The following CEMIP variants were observed in gnomAD, a reference collection of about 807,000 sequenced individuals.
CEMIP encodes the protein cell migration-inducing and hyaluronan-binding protein.
A neutral mutation model predicts 156.9 loss-of-function variants in CEMIP; 105 were observed. That is an observed-to-expected ratio of 0.67 (90% CI 0.57 to 0.79). CEMIP has a LOEUF of 0.79. Ranked by LOEUF, CEMIP falls within the 30% of genes least tolerant of loss-of-function variation. The pLI is 0.00. For missense variants in CEMIP, 1,457 were observed against 1,769.4 expected (o/e 0.82, Z 3.17); for synonymous variants, 676 against 668.4 (o/e 1.01, Z -0.17).
At chr15:80,836,585 A>C (rs1897274496) in intron 1 of CEMIP, among the ~76,000 whole-genome samples, 1 of 142,800 alleles carries the variant, frequency 7.0e-6, no homozygotes, top group East Asian at 2.1e-4. Context: ...CATAGCGTCC[A>C]ATCCTATGAG....
chr15:80,933,544 T>C (rs755244700), intron 23 of CEMIP, 84 bp downstream of exon 23: 891 of 1,080,102 alleles, frequency 8.2e-4, no homozygotes, highest in Non-Finnish European at 1.1e-3. Flanking sequence ...TATGCCTGGC[T>C]CTGTTTCAGG....
At position 80,885,994 on chromosome 15, in the gene CEMIP, T is replaced by A. The variant is rs11072953; in HGVS notation, c.797+1640T>A. 3.1e-3 allele frequency among the ~76,000 whole-genome samples: 468 copies of A among 152,304 alleles called. 5 individuals are homozygous for A. The highest frequency in any genetic ancestry group is 0.011 in the African/African-American group (459 of 41,550). ...AAGCATCTAAAATCAGTAGGAGAAC[T>A]GAGACTTGGACCCTTCATTTGTTCA... On this transcript the variant is annotated intron_variant, in intron 7 of 29. Transcript: ENST00000394685.
intron 1 of CEMIP, among the ~76,000 whole-genome samples, chr15:80,861,768 A>G (rs1481860388): frequency 2.6e-5 from 4 of 152,278 alleles, no homozygotes; most frequent in Non-Finnish European, 5.9e-5. Flanking sequence ...AACAAATACA[A>G]CTGATGAAGT....
chr15:80,859,107 A>G (rs185118332), intron 1 of CEMIP, among the ~76,000 whole-genome samples: 12 of 152,312 alleles, frequency 7.9e-5, no homozygotes, highest in African/African-American at 2.6e-4. Flanking sequence ...GGTCAACTGA[A>G]CATCCCTGCA....
At chr15:80,861,473 G>A (rs543647986) in intron 1 of CEMIP, among the ~76,000 whole-genome samples, 43 of 152,302 alleles carry the variant, frequency 2.8e-4, no homozygotes, top group Non-Finnish European at 3.4e-4. Context: ...CTCTCCTTAA[G>A]CACTGATTTT....
At chr15:80,824,683 C>T (rs1236460249) in intron 1 of CEMIP, among the ~76,000 whole-genome samples, 4 of 152,244 alleles carry the variant, frequency 2.6e-5, no homozygotes, top group East Asian at 1.9e-4. Flanking sequence ...ACAGGGTGGC[C>T]GGTTCTTTAA....
intron 12 of CEMIP, chr15:80,900,889 G>C (rs1324906240): frequency 1.3e-5 from 6 of 453,506 alleles, no homozygotes; most frequent in Non-Finnish European, 2.2e-5. Flanking sequence ...ACACGGACAC[G>C]ATCTCCCTGG....
intron 19 of CEMIP, among the ~76,000 whole-genome samples, chr15:80,926,820 G>T (rs867025097): frequency 3.7e-4 from 31 of 83,790 alleles, no homozygotes; most frequent in Non-Finnish European, 4.8e-4. Context: ...CTGAGCGGGT[G>T]GGGGGGGGGG....
In CEMIP at chr15:80,807,407, T is replaced by C. The variant is rs530593647; in HGVS notation, c.-176+27793T>C. Among the ~76,000 whole-genome samples, 14 of 152,262 alleles carry C rather than the reference T, an allele frequency of 9.2e-5. No individual in the cohort carries two copies. The South Asian group carries it at 1.7e-3, about 18-fold the overall frequency. On this transcript the variant is annotated intron_variant, in intron 1 of 29. Coordinates refer to ENST00000394685, the MANE Select transcript of CEMIP (RefSeq NM_001293298.2). ...CACTATGCCTGCTAATTAATTTGTA[T>C]AGAAACAGAGTTTCACTATGCTGTC... is the stretch of plus-strand genomic sequence containing the variant.
chr15:80,873,251 T>G (rs1898355918), intron 1 of CEMIP, among the ~76,000 whole-genome samples: 1 of 152,214 alleles, frequency 6.6e-6, no homozygotes, highest in Non-Finnish European at 1.5e-5. Flanking sequence ...TGGGGACAAT[T>G]AGCTATCTTT....
intron 3 of CEMIP, among the ~76,000 whole-genome samples, chr15:80,875,586 G>T (rs1005876836): frequency 2.6e-5 from 4 of 152,098 alleles, no homozygotes; most frequent in African/African-American, 4.8e-5. Flanking sequence ...TATCAGCTAT[G>T]TGGAAAGGGG....
chr15:80,852,578 A>T (rs998059331), intron 1 of CEMIP, among the ~76,000 whole-genome samples: 1 of 152,142 alleles, frequency 6.6e-6, no homozygotes, highest in African/African-American at 2.4e-5. Context: ...CTCTGCCATC[A>T]TCTTCTTTCA....
chr15:80,796,816 G>C (rs1409617875), intron 1 of CEMIP, among the ~76,000 whole-genome samples: 1 of 152,194 alleles, frequency 6.6e-6, no homozygotes, highest in Non-Finnish European at 1.5e-5. Context: ...GAACACATGA[G>C]ATTAATGCAT....
Position 80,926,814 on chromosome 15 carries a change from GCGGGT to G in CEMIP, c.2420+1060_2420+1064del, listed in dbSNP as rs375848557. ...TTAAAAACAGAGGCAGAGAGACTGA[GCGGGT>G]GGGGGGGGGGGGTCTTCTTTTTTTT... On this transcript the variant is annotated intron_variant, in intron 19 of 29. Transcript: ENST00000394685. Among the ~76,000 whole-genome samples, 51 of 128,986 alleles carry G rather than the reference GCGGGT, an allele frequency of 4.0e-4. 1 individual carries two copies. Among genetic ancestry groups the G allele is most frequent in the African/African-American group, 1.9e-3 (44 of 23,174 alleles). The allele number at this position is 128,986 out of a possible 152,430, so 84.6% of individuals were successfully genotyped here.
intron 19 of CEMIP, 113 bp from the exon 20 acceptor site, chr15:80,928,789 C>G: frequency 7.6e-7 from 1 of 1,324,210 alleles, no homozygotes; most frequent in African/African-American, 1.4e-5. Context: ...AGACTCCTTC[C>G]TCTGCACGGT....
rs1008119375 is a variant in CEMIP at position 80,941,937 on chromosome 15, G to A, written c.3496G>A (p.Ala1166Thr). Residue 1166 changes from alanine (A) to threonine (T), a missense_variant, in exon 26 of 30, where the codon GCT becomes ACT. Physicochemically the swap from Ala to Thr is moderately conservative, Grantham distance 58. This residue lies in a region of CEMIP where 798 missense variants were observed against 980.1 expected (regional missense o/e 0.81). Transcript: ENST00000394685. ...MKGCERIKIK[A>T]LIPKNAGVSD... ...AGGCTGTGAGAGGATAAAGATTAAA[G>A]CTCTGATTCCAAAGAACGCAGGCGT... 5 of 1,614,064 alleles carry A rather than the reference G, an allele frequency of 3.1e-6. No individual in the cohort carries two copies. The highest frequency in any genetic ancestry group is 4.2e-6 in the Non-Finnish European group (5 of 1,180,004).
chr15:80,916,908 C>A (rs538015924), intron 14 of CEMIP, among the ~76,000 whole-genome samples: 1 of 152,174 alleles, frequency 6.6e-6, no homozygotes, highest in South Asian at 2.1e-4. Flanking sequence ...AAAGTGAGAG[C>A]GTCTTTTTCT....
At chr15:80,900,638 G>GTGTGTCTGTGTGTC (rs1899467162) in intron 12 of CEMIP, among the ~76,000 whole-genome samples, 112 of 101,940 alleles carry the variant, frequency 1.1e-3, no homozygotes, top group Middle Eastern at 5.8e-3. Context: ...GTGTGTGTGT[G>GTGTGTCTGTGTGTC]TGTGTGTGTG....
chr15:80,787,031 G>C (rs1311843926), intron 1 of CEMIP, among the ~76,000 whole-genome samples: 1 of 152,214 alleles, frequency 6.6e-6, no homozygotes, highest in African/African-American at 2.4e-5. Flanking sequence ...AGGAATGGAA[G>C]AGCTCTGCTG....
Sources: gnomAD v4.1 joint callset for allele counts (sites outside exome capture counted in the v4.1 genomes callset) on GRCh38, gnomAD v4.1.1 for gene constraint, gnomAD v4.1.1 regional missense constraint, MANE v1.5 for transcripts, NCBI Gene and HGNC (gene_info 2026-07-23, HGNC 2026-07-21) for gene names.